IL1RAPL2: variants seen among roughly 807,000 people sequenced by gnomAD.
IL1RAPL2 encodes interleukin 1 receptor accessory protein like 2, also known as X-linked interleukin-1 receptor accessory protein-like 2.
Under a neutral mutation model 44.1 loss-of-function variants are expected in IL1RAPL2, and 3 were observed. The ratio of observed to expected loss-of-function variants is 0.07; its 90% CI spans 0.03 to 0.18. The LOEUF (loss-of-function observed/expected upper bound fraction) is 0.18. Ranked by LOEUF, IL1RAPL2 falls within the 10% of genes least tolerant of loss-of-function variation. The pLI is 1.00. For synonymous variants in IL1RAPL2, 181 were observed against 178.8 expected, an observed-to-expected ratio of 1.01 and a Z score of -0.10; for missense variants, 391 against 496.4, an observed-to-expected ratio of 0.79 and a Z score of 2.02.
At chrX:105,013,672 A>C (rs2031109622) in intron 2 of IL1RAPL2, among the ~76,000 whole-genome samples, 2 of 110,506 alleles carry the variant, frequency 1.8e-5, no homozygotes, top group African/African-American at 6.6e-5. Flanking sequence ...GAAATCATCT[A>C]ATTTTTAAAT....
In IL1RAPL2 at chrX:105,358,037, T is replaced by TAA. The variant is rs774626399; in HGVS notation, c.697+90524_697+90525dup. ...GGATGACAGAGCAATATCCTATTTC[T>TAA]AAAAAAAAAAAAAAAAAAAAAAAAA... On this transcript the variant is annotated intron_variant, in intron 5 of 10. Coordinates refer to ENST00000372582, the MANE Select transcript of IL1RAPL2 (RefSeq NM_017416.2). Among the ~76,000 whole-genome samples, 102 of 40,780 alleles carry TAA rather than the reference T, an allele frequency of 2.5e-3. 2 individuals are homozygous for TAA. Among genetic ancestry groups the TAA allele is most frequent in the Non-Finnish European group, 4.1e-3 (84 of 20,504 alleles). 35.4% of individuals were successfully genotyped at this position (40,780 alleles called of 115,157 possible).
At chrX:105,546,160 G>A (rs993599256) in intron 6 of IL1RAPL2, among the ~76,000 whole-genome samples, 1 of 111,212 alleles carries the variant, frequency 9.0e-6, no homozygotes, top group Admixed American at 9.7e-5. Context: ...AGATGGGGTT[G>A]GGGGCGCAGT....
At chrX:104,768,658 A>G (rs1033636891) in intron 2 of IL1RAPL2, among the ~76,000 whole-genome samples, 1 of 111,281 alleles carries the variant, frequency 9.0e-6, no homozygotes, top group African/African-American at 3.3e-5. Flanking sequence ...GATGTCAAGC[A>G]TCTTGTGTTG....
intron 2 of IL1RAPL2, among the ~76,000 whole-genome samples, chrX:104,669,570 C>A (rs932637972): frequency 9.0e-5 from 10 of 111,729 alleles, no homozygotes; most frequent in African/African-American, 2.6e-4. Context: ...ACCCAGGGAG[C>A]TTTTAAACCA....
intron 2 of IL1RAPL2, among the ~76,000 whole-genome samples, chrX:104,801,848 T>C (rs1932887015): frequency 8.9e-6 from 1 of 111,769 alleles, no homozygotes; most frequent in Admixed American, 9.5e-5. Context: ...AAAATGTATC[T>C]CTATAACCAT....
chrX:105,603,145 C>A, intron 6 of IL1RAPL2, among the ~76,000 whole-genome samples: 1 of 107,184 alleles, frequency 9.3e-6, no homozygotes, highest in Non-Finnish European at 1.9e-5. Context: ...AAAAAAGTAG[C>A]AAAATGGCAA....
intron 6 of IL1RAPL2, among the ~76,000 whole-genome samples, chrX:105,665,923 C>T (rs374571387): frequency 1.9e-5 from 2 of 107,195 alleles, no homozygotes; most frequent in Non-Finnish European, 3.8e-5. Context: ...CCACCACGCC[C>T]GGCTAATTTT....
chrX:104,765,840 A>C (rs995617918), intron 2 of IL1RAPL2, among the ~76,000 whole-genome samples: 2 of 112,204 alleles, frequency 1.8e-5, no homozygotes, highest in African/African-American at 6.5e-5. Context: ...CATTCCTCAT[A>C]CTTCCCTAAA....
intron 6 of IL1RAPL2, among the ~76,000 whole-genome samples, chrX:105,489,984 C>T (rs780173087): frequency 2.8e-5 from 3 of 109,064 alleles, no homozygotes; most frequent in African/African-American, 6.7e-5. Context: ...GGTGCCACCA[C>T]GCCCAGATAA....
At chrX:105,518,305 T>C (rs1236000718) in intron 6 of IL1RAPL2, among the ~76,000 whole-genome samples, 1 of 111,034 alleles carries the variant, frequency 9.0e-6, no homozygotes, top group African/African-American at 3.3e-5. Flanking sequence ...ACCTATATCC[T>C]GGGGATAAGA....
intron 1 of IL1RAPL2, among the ~76,000 whole-genome samples, chrX:104,650,065 C>T (rs1379090104): frequency 9.0e-6 from 1 of 111,319 alleles, no homozygotes; most frequent in Non-Finnish European, 1.9e-5. Flanking sequence ...ATTGTCTTAG[C>T]AGCTTCATTC....
intron 6 of IL1RAPL2, among the ~76,000 whole-genome samples, chrX:105,606,882 T>C (rs772991893): frequency 2.7e-5 from 3 of 111,268 alleles, no homozygotes; most frequent in Non-Finnish European, 5.7e-5. Context: ...TAGTAGTTAC[T>C]AGAGGCTTGG....
chrX:105,547,631 C>T (rs1270975657), intron 6 of IL1RAPL2, among the ~76,000 whole-genome samples: 1 of 111,913 alleles, frequency 8.9e-6, no homozygotes, highest in Non-Finnish European at 1.9e-5. Context: ...AATCTGGGCT[C>T]ATTCATATGT....
intron 5 of IL1RAPL2, among the ~76,000 whole-genome samples, chrX:105,418,641 A>C (rs1046681561): frequency 8.0e-5 from 9 of 112,057 alleles, no homozygotes; most frequent in Non-Finnish European, 1.5e-4. Context: ...CAGAATTAGA[A>C]GGCAGTAAAA....
chrX:105,349,809 A>C (rs2035138696), intron 5 of IL1RAPL2, among the ~76,000 whole-genome samples: 1 of 111,920 alleles, frequency 8.9e-6, no homozygotes, highest in Non-Finnish European at 1.9e-5. Flanking sequence ...ATGAATAATA[A>C]ACTATCTTCC....
chrX:104,679,018 C>T (rs750119074), intron 2 of IL1RAPL2, among the ~76,000 whole-genome samples: 8 of 111,639 alleles, frequency 7.2e-5, no homozygotes, highest in Non-Finnish European at 1.1e-4. Flanking sequence ...TCAATTTGTG[C>T]GGAGATGTAT....
chrX:104,923,046 C>T (rs1239573875), intron 2 of IL1RAPL2, among the ~76,000 whole-genome samples: 1 of 110,733 alleles, frequency 9.0e-6, no homozygotes, highest in Non-Finnish European at 1.9e-5. Flanking sequence ...CTAAACCAAG[C>T]AGAAGAAAGA....
chrX:105,541,643 G>C (rs750584811), intron 6 of IL1RAPL2, among the ~76,000 whole-genome samples: 8 of 110,379 alleles, frequency 7.2e-5, no homozygotes, highest in Non-Finnish European at 1.5e-4. Context: ...ATTTCTCTTG[G>C]GTCTGCCCCT....
At position 105,756,229 on chromosome X, in the gene IL1RAPL2, A is replaced by C. The variant is rs774189277; in HGVS notation, c.1363+882A>C. Among the ~76,000 whole-genome samples the C allele has an allele frequency of 4.4e-5, 5 of 112,364 alleles. No individual in the cohort carries two copies. The Admixed American group carries it at 4.7e-4, about 11-fold the overall frequency. On this transcript the variant is annotated intron_variant, in intron 10 of 10. Coordinates refer to ENST00000372582, the MANE Select transcript of IL1RAPL2 (RefSeq NM_017416.2). ...AAAGCTTATATTACCAGTACTTGAC[A>C]GTGTATAAAATAATTTCACATACAT... is the stretch of plus-strand genomic sequence containing the variant.
Sources: gnomAD v4.1 joint callset for allele counts (sites outside exome capture counted in the v4.1 genomes callset) on GRCh38, gnomAD v4.1.1 for gene constraint, MANE v1.5 for transcripts, NCBI Gene and HGNC (gene_info 2026-07-23, HGNC 2026-07-21) for gene names.